Variants in GATAD1 observed in about 807,000 individuals in gnomAD.
GATAD1 encodes GATA zinc finger domain containing 1, also known as GATA zinc finger domain-containing protein 1.
In GATAD1, 12 loss-of-function variants were observed where a neutral mutation model predicts 26.5. The ratio of observed to expected loss-of-function variants is 0.45; its 90% CI spans 0.29 to 0.73. GATAD1 has a LOEUF of 0.73. GATAD1 is among the 30% of genes least tolerant of loss of function. GATAD1 has a pLI of 0.10. For synonymous variants in GATAD1, 129 were observed against 133.1 expected, an observed-to-expected ratio of 0.97 and a Z score of 0.21; for missense variants, 266 against 342.1, an observed-to-expected ratio of 0.78 and a Z score of 1.75.
chr7:92,491,173 A>C, the GATAD1 span: 1 of 810,070 alleles, frequency 1.2e-6, no homozygotes, highest in South Asian at 1.4e-5. Flanking sequence ...ACCAACCAGG[A>C]AGAATATGTG....
At chr7:92,494,564 C>A in the GATAD1 span, 2 of 1,613,936 alleles carry the variant, frequency 1.2e-6, no homozygotes, top group Non-Finnish European at 1.7e-6. Flanking sequence ...ATTATCATGA[C>A]CCCGCCGAGG....
intron 3 of GATAD1, among the ~76,000 whole-genome samples, chr7:92,451,330 A>G (rs1054087948): frequency 6.6e-6 from 1 of 152,246 alleles, no homozygotes; most frequent in Admixed American, 6.5e-5. Flanking sequence ...CTGATACCTC[A>G]GTGAGAGAAG....
the GATAD1 span, among the ~76,000 whole-genome samples, chr7:92,466,220 G>T: frequency 6.6e-6 from 1 of 152,048 alleles, no homozygotes; most frequent in African/African-American, 2.4e-5. Context: ...GGGCTGGAGT[G>T]CACTGTTGTG....
At chr7:92,460,757 TAGAA>T (rs1421311966), downstream of GATAD1, among the ~76,000 whole-genome samples, 2 of 123,250 alleles carry the variant, frequency 1.6e-5, no homozygotes, top group Non-Finnish European at 3.2e-5. Flanking sequence ...GCCTGGGTGA[TAGAA>T]GTGAGACCTT....
rs1354851656 is a variant in GATAD1, at chr7:92,447,885, T to C, written c.156T>C (p.Thr52=). Residue 52 remains threonine (T), a synonymous_variant, in exon 1 of 5, where the codon ACT becomes ACC. Coordinates refer to ENST00000287957, the MANE Select transcript of GATAD1 (RefSeq NM_021167.5). ...CAGGCTCGGGGGCGGCTGGAGGGACTGGGGGCAGCGGCGGCGGCGGCTTCG... is the reference window on the plus strand; with the variant it reads ...CAGGCTCGGGGGCGGCTGGAGGGACCGGGGGCAGCGGCGGCGGCGGCTTCG... The part of the protein sequence containing the change: ...GGAGSGAAGG[T]GGSGGGGFGA... 1 of 1,286,388 alleles carries C rather than the reference T, an allele frequency of 7.8e-7. No homozygotes were observed. Among genetic ancestry groups the C allele is most frequent in the Non-Finnish European group, 9.8e-7 (1 of 1,016,600 alleles). The allele number at this position is 1,286,388 out of a possible 1,614,324, so 79.7% of individuals were successfully genotyped here.
chr7:92,486,591 C>A, the GATAD1 span, among the ~76,000 whole-genome samples: 1 of 152,116 alleles, frequency 6.6e-6, no homozygotes, highest in African/African-American at 2.4e-5. Context: ...GAACCTTGAA[C>A]CTCCTGGGAG....
the GATAD1 span, among the ~76,000 whole-genome samples, chr7:92,494,877 T>G: frequency 2.0e-5 from 3 of 151,744 alleles, no homozygotes; most frequent in African/African-American, 7.2e-5. Flanking sequence ...AGGCAAGGCA[T>G]ATGAAATTAC....
chr7:92,490,886 A>T, the GATAD1 span, among the ~76,000 whole-genome samples: 1 of 152,236 alleles, frequency 6.6e-6, no homozygotes, highest in Non-Finnish European at 1.5e-5. Flanking sequence ...TATCACAGAT[A>T]ACACTTTGTT....
intron 3 of GATAD1, among the ~76,000 whole-genome samples, chr7:92,453,238 C>G (rs1789515155): frequency 6.6e-6 from 1 of 152,202 alleles, no homozygotes; most frequent in East Asian, 1.9e-4. Flanking sequence ...GTCCCTGTTT[C>G]AAGGGAAGCA....
the GATAD1 span, chr7:92,473,040 G>C: frequency 6.6e-6 from 1 of 152,164 alleles, no homozygotes; most frequent in Non-Finnish European, 1.5e-5. Flanking sequence ...GAACCCTTGG[G>C]GTAAAATAGT....
downstream of GATAD1, among the ~76,000 whole-genome samples, chr7:92,464,845 A>T (rs548360524): frequency 2.0e-5 from 3 of 152,326 alleles, no homozygotes; most frequent in African/African-American, 7.2e-5. Flanking sequence ...GTGTCCCAGC[A>T]TGTTGATGCC....
the GATAD1 span, chr7:92,491,318 C>T: frequency 2.5e-6 from 4 of 1,613,978 alleles, no homozygotes; most frequent in Non-Finnish European, 3.4e-6. Context: ...ATAAGAGCTT[C>T]CAAAGTAGAG....
chr7:92,490,130 G>A, the GATAD1 span: 1 of 576,194 alleles, frequency 1.7e-6, no homozygotes, highest in Non-Finnish European at 3.1e-6. Flanking sequence ...AGTGAAAATT[G>A]CCATAACACA....
chr7:92,456,659 C>A lies in GATAD1; in HGVS notation c.*97C>A. 1.5e-6 allele frequency: 1 copy of A among 672,712 alleles called. No homozygotes were observed. Among genetic ancestry groups the A allele is most frequent in the Non-Finnish European group, 2.5e-6 (1 of 404,022 alleles). The allele number at this position is 672,712 out of a possible 1,614,324, so 41.7% of individuals were successfully genotyped here. On this transcript the variant is annotated 3_prime_UTR_variant, in exon 5 of 5. Transcript: ENST00000287957. ...TGCTCTCCAAGCTGGGCAATGGAGT[C>A]AGATTCTCTTTCTTAAAAAACCACA...
At chr7:92,482,979 T>C in the GATAD1 span, among the ~76,000 whole-genome samples, 12 of 152,152 alleles carry the variant, frequency 7.9e-5, no homozygotes, top group African/African-American at 2.7e-4. Context: ...TAGCCTCCAC[T>C]GTGAGAGTTA....
chr7:92,485,198 G>A, the GATAD1 span, among the ~76,000 whole-genome samples: 3 of 152,254 alleles, frequency 2.0e-5, no homozygotes, highest in African/African-American at 7.2e-5. Flanking sequence ...GTGATTCTTT[G>A]GTTACTTCAG....
the GATAD1 span, among the ~76,000 whole-genome samples, chr7:92,466,882 A>T: frequency 9.8e-5 from 15 of 152,300 alleles, no homozygotes; most frequent in East Asian, 2.3e-3. Flanking sequence ...ACTCATTAAG[A>T]TTAGGCTGTT....
At position 92,447,776 on chromosome 7, in the gene GATAD1, C is replaced by A; in HGVS notation, c.47C>A (p.Ser16Ter). 1 of 1,498,416 alleles carries A rather than the reference C, an allele frequency of 6.7e-7. No homozygotes were observed. 92.8% of individuals were successfully genotyped at this position (1,498,416 alleles called of 1,614,324 possible). A position where few individuals can be genotyped will look rare whatever the true frequency, so the allele number is the denominator to read the frequency against. Residue 16 changes from serine to a stop codon, truncating the protein, a stop_gained, in exon 1 of 5, where the codon TCG becomes TAG. Transcript: ENST00000287957. LOFTEE classifies it high-confidence loss of function. ...KPTCSVCKTTSSSMWKKGAQG... is the reference protein window; with the variant it reads ...KPTCSVCKTT ...ACCTGCAGCGTATGCAAGACCACGT[C>A]GTCCTCCATGTGGAAGAAGGGAGCG...
At chr7:92,491,697 A>G in the GATAD1 span, 1 of 550,934 alleles carries the variant, frequency 1.8e-6, no homozygotes, top group Non-Finnish European at 3.2e-6. Flanking sequence ...GACAAGATAG[A>G]ATGTGTAGAT....
Sources: gnomAD v4.1 joint callset for allele counts (sites outside exome capture counted in the v4.1 genomes callset) on GRCh38, gnomAD v4.1.1 for gene constraint, MANE v1.5 for transcripts, NCBI Gene and HGNC (gene_info 2026-07-23, HGNC 2026-07-21) for gene names.